Variants in SSBP3 observed in about 807,000 individuals in gnomAD.
The protein encoded by SSBP3 is single-stranded DNA-binding protein 3.
A neutral mutation model predicts 69.6 loss-of-function variants in SSBP3; 5 were observed. That is an observed-to-expected ratio of 0.07 (90% CI 0.04 to 0.15). The LOEUF is 0.15. SSBP3 is among the 10% of genes least tolerant of loss of function. The probability of loss-of-function intolerance (pLI) is 1.00; values close to 1 mark genes in which losing one functional copy is unlikely to be tolerated. For synonymous variants in SSBP3, 196 were observed against 193.4 expected (o/e 1.01, Z -0.11); for missense variants, 312 against 534.0 (o/e 0.58, Z 4.10).
At chr1:54,367,070 C>T (rs1223993541) in intron 4 of SSBP3, among the ~76,000 whole-genome samples, 1 of 152,228 alleles carries the variant, frequency 6.6e-6, no homozygotes, top group African/African-American at 2.4e-5. Context: ...AGATCTGATA[C>T]AGTGCCACGC....
intron 1 of SSBP3, among the ~76,000 whole-genome samples, 157 bp downstream of exon 1, chr1:54,405,796 G>C (rs183895460): frequency 7.0e-6 from 1 of 143,146 alleles, no homozygotes; most frequent in Non-Finnish European, 1.5e-5. Context: ...GCCGCCCGCC[G>C]CGGCCTCGGG....
chr1:54,287,339 G>C (rs933444268), intron 4 of SSBP3: 1 of 152,216 alleles, frequency 6.6e-6, no homozygotes, highest in Non-Finnish European at 1.5e-5. Flanking sequence ...GCAGCTTGGG[G>C]GCCACATGCA....
chr1:54,297,618 G>A (rs1374912234), intron 4 of SSBP3, among the ~76,000 whole-genome samples: 1 of 152,148 alleles, frequency 6.6e-6, no homozygotes. Context: ...GAGACAGAGT[G>A]AGACTTTGTC....
In SSBP3 at chr1:54,268,663, C is replaced by G. The variant is rs577195495; in HGVS notation, c.367-10514G>C. On this transcript the variant is annotated intron_variant, in intron 5 of 17. Transcript: ENST00000610401. ...TTCAGTCTTGCAGCCCCCTGGAAAA[C>G]TCGGTAGTTTTTCATGCCTTTTCCT... 3.9e-5 allele frequency among the ~76,000 whole-genome samples: 6 copies of G among 152,324 alleles called. No individual in the cohort carries two copies. The South Asian group carries it at 1.2e-3, about 32-fold the overall frequency.
chr1:54,353,586 G>C (rs1284653866), intron 4 of SSBP3, among the ~76,000 whole-genome samples: 1 of 152,152 alleles, frequency 6.6e-6, no homozygotes, highest in African/African-American at 2.4e-5. Flanking sequence ...GGTGACCCAG[G>C]TGCATTGTCA....
At chr1:54,304,795 A>G (rs961728701) in intron 4 of SSBP3, among the ~76,000 whole-genome samples, 7 of 152,156 alleles carry the variant, frequency 4.6e-5, no homozygotes, top group African/African-American at 9.7e-5. Context: ...AGTGGAAACA[A>G]CCCAGGGCCT....
chr1:54,316,275 G>A (rs1279702068), intron 4 of SSBP3, among the ~76,000 whole-genome samples: 1 of 151,938 alleles, frequency 6.6e-6, no homozygotes, highest in Non-Finnish European at 1.5e-5. Flanking sequence ...CTCGGGAAGT[G>A]GAGCTTGCAG....
chr1:54,329,811 G>A (rs533234461), intron 4 of SSBP3, among the ~76,000 whole-genome samples: 24 of 152,278 alleles, frequency 1.6e-4, no homozygotes, highest in Middle Eastern at 3.4e-3. Context: ...AAATGGGGGA[G>A]GGGACAAGCC....
At chr1:54,384,206 A>T (rs1426814104) in intron 4 of SSBP3, among the ~76,000 whole-genome samples, 1 of 152,086 alleles carries the variant, frequency 6.6e-6, no homozygotes, top group Non-Finnish European at 1.5e-5. Flanking sequence ...GGTTAACTGA[A>T]CAGAGAGCAT....
At chr1:54,381,968 T>C (rs1647689052) in intron 4 of SSBP3, among the ~76,000 whole-genome samples, 2 of 152,126 alleles carry the variant, frequency 1.3e-5, no homozygotes, top group East Asian at 3.9e-4. Context: ...CCGAGGTGGG[T>C]GGATCATCTG....
At chr1:54,372,853 G>A (rs1046657654) in intron 4 of SSBP3, among the ~76,000 whole-genome samples, 2 of 152,242 alleles carry the variant, frequency 1.3e-5, no homozygotes, top group Non-Finnish European at 2.9e-5. Flanking sequence ...CACAGCTGGA[G>A]AACGGTAGGG....
intron 4 of SSBP3, among the ~76,000 whole-genome samples, chr1:54,289,029 AAAAAAAAC>A (rs1244983204): frequency 5.3e-5 from 4 of 75,102 alleles, no homozygotes; most frequent in East Asian, 4.4e-4. Flanking sequence ...CCAAAAAAAA[AAAAAAAAC>A]AAAAAAACAA....
chr1:54,242,584 G>A (rs1644658810), intron 10 of SSBP3, among the ~76,000 whole-genome samples: 1 of 152,186 alleles, frequency 6.6e-6, no homozygotes, highest in Non-Finnish European at 1.5e-5. Flanking sequence ...GCCACTGAAA[G>A]CTGTGTGAGC....
At chr1:54,348,551 C>T (rs1646728614) in intron 4 of SSBP3, among the ~76,000 whole-genome samples, 1 of 152,206 alleles carries the variant, frequency 6.6e-6, no homozygotes, top group African/African-American at 2.4e-5. Context: ...CAGCCCACTT[C>T]CGTCCAGGGG....
chr1:54,362,980 T>A (rs977844313), intron 4 of SSBP3, among the ~76,000 whole-genome samples: 2 of 152,050 alleles, frequency 1.3e-5, no homozygotes, highest in African/African-American at 4.8e-5. Flanking sequence ...GAGGGATACT[T>A]AGACACTGTT....
rs1644459402 is a variant in SSBP3 at position 54,234,881 on chromosome 1, A to G, written c.927+4248T>C. ...TAAGCTCAAACAATCCTCCCGCTTC[A>G]GCCTCCCGAGTAGCTGACTACAGGC... On this transcript the variant is annotated intron_variant, in intron 14 of 17. Transcript: ENST00000610401. 2.0e-5 allele frequency among the ~76,000 whole-genome samples: 3 copies of G among 152,068 alleles called. No individual in the cohort carries two copies. In the South Asian group the frequency reaches 6.2e-4, roughly 32 times the overall value.
In SSBP3 at chr1:54,282,608, G is replaced by A. The variant is rs551768466; in HGVS notation, c.277-1081C>T. Among the ~76,000 whole-genome samples the A allele has an allele frequency of 3.1e-4, 47 of 152,316 alleles. 1 individual carries two copies. The highest frequency in any genetic ancestry group is 2.2e-4 in the African/African-American group (9 of 41,566). On this transcript the variant is annotated intron_variant, in intron 4 of 17. Transcript: ENST00000610401. The stretch of plus-strand genomic sequence containing the variant: ...TGCAACCTATTCAGGTGGTCGGCGC[G>A]TCTGTGCCTGGCCCCGTGCTCACAC...
chr1:54,284,136 C>T (rs1396763844), intron 4 of SSBP3, among the ~76,000 whole-genome samples: 1 of 106,838 alleles, frequency 9.4e-6, no homozygotes, highest in Non-Finnish European at 1.8e-5. Flanking sequence ...TTTTAAGACA[C>T]AGGGTCTTAC....
At chr1:54,373,442 G>A (rs1158983480) in intron 4 of SSBP3, among the ~76,000 whole-genome samples, 2 of 152,124 alleles carry the variant, frequency 1.3e-5, no homozygotes. Context: ...GATGGATTTA[G>A]AAGGGTCAGC....
Sources: allele counts gnomAD v4.1 joint callset (sites outside exome capture counted in the v4.1 genomes callset), GRCh38; gene constraint gnomAD v4.1.1; transcripts MANE v1.5; gene names NCBI Gene and HGNC (gene_info 2026-07-23, HGNC 2026-07-21).